Variants in GOLPH3 observed in about 807,000 individuals in gnomAD.
GOLPH3 encodes coat protein GPP34.
Under a neutral mutation model 28.5 loss-of-function variants are expected in GOLPH3, and 14 were observed. The ratio of observed to expected loss-of-function variants is 0.49; its 90% CI spans 0.32 to 0.77. The LOEUF is 0.77. Ranked by LOEUF, GOLPH3 falls within the 30% of genes least tolerant of loss-of-function variation. The pLI is 0.03. For missense variants in GOLPH3, 350 were observed against 393.7 expected (o/e 0.89, Z 0.94); for synonymous variants, 158 against 159.2 (o/e 0.99, Z 0.06).
intron 1 of GOLPH3, among the ~76,000 whole-genome samples, chr5:32,153,237 T>C (rs1256655553): frequency 6.6e-6 from 1 of 152,178 alleles, no homozygotes; most frequent in Non-Finnish European, 1.5e-5. Context: ...GTCCATTACC[T>C]TGTATATGAA....
chr5:32,156,728 A>G (rs1746437748), intron 1 of GOLPH3, among the ~76,000 whole-genome samples: 1 of 152,224 alleles, frequency 6.6e-6, no homozygotes, highest in Non-Finnish European at 1.5e-5. Flanking sequence ...TGCGCAGCTC[A>G]TAACAGGGTT....
intron 1 of GOLPH3, among the ~76,000 whole-genome samples, chr5:32,160,157 C>A (rs940682815): frequency 1.6e-4 from 25 of 152,076 alleles, no homozygotes; most frequent in African/African-American, 5.6e-4. Flanking sequence ...TATGATTATA[C>A]AACTGCACTC....
intron 1 of GOLPH3, among the ~76,000 whole-genome samples, chr5:32,144,554 A>C (rs1456677032): frequency 6.6e-6 from 1 of 152,244 alleles, no homozygotes; most frequent in Non-Finnish European, 1.5e-5. Context: ...ACACCAACAC[A>C]CTGCAGCCTG....
chr5:32,156,293 T>A (rs1332435583), intron 1 of GOLPH3, among the ~76,000 whole-genome samples: 15 of 151,078 alleles, frequency 9.9e-5, no homozygotes, highest in African/African-American at 3.4e-4. Context: ...AGGTCAGGAG[T>A]TTGAGACTAG....
chr5:32,159,756 T>A (rs557667795), intron 1 of GOLPH3, among the ~76,000 whole-genome samples: 1 of 152,356 alleles, frequency 6.6e-6, no homozygotes, highest in East Asian at 1.9e-4. Flanking sequence ...GTTCTACAAT[T>A]ACCTAGTAAA....
chr5:32,140,187 GAAA>G (rs367594027), intron 2 of GOLPH3, among the ~76,000 whole-genome samples: 1 of 144,800 alleles, frequency 6.9e-6, no homozygotes. Context: ...GCTTCTAGAG[GAAA>G]AAAAAAAAAT....
At chr5:32,142,289 G>A (rs930211637) in intron 2 of GOLPH3, among the ~76,000 whole-genome samples, 6 of 150,460 alleles carry the variant, frequency 4.0e-5, no homozygotes, top group South Asian at 2.1e-4. Flanking sequence ...ATCTCTGCCC[G>A]GACGCCCCGT....
chr5:32,152,552 C>T (rs1318089585), intron 1 of GOLPH3, among the ~76,000 whole-genome samples: 15 of 145,866 alleles, frequency 1.0e-4, no homozygotes, highest in African/African-American at 2.5e-4. Flanking sequence ...GGAGGCGAGG[C>T]GGGCGGATCA....
intron 2 of GOLPH3, among the ~76,000 whole-genome samples, chr5:32,139,371 T>C (rs147708320): frequency 2.1e-4 from 32 of 152,354 alleles, no homozygotes; most frequent in African/African-American, 6.0e-4. Context: ...CAGATTTTGA[T>C]ATTTGAGGGG....
Position 32,138,342 on chromosome 5 carries a change from T to TA in GOLPH3, c.358-2657dup, listed in dbSNP as rs548533898. Among the ~76,000 whole-genome samples, 8 of 152,306 alleles carry TA rather than the reference T, an allele frequency of 5.3e-5. No homozygotes were observed. In the South Asian group the frequency reaches 1.7e-3, roughly 32 times the overall value. ...TGTGACATCATGACCAGCAGAAATA[T>TA]AAAAACCACAGTACAAGTCACAAAT... On this transcript the variant is annotated intron_variant, in intron 2 of 3. Coordinates refer to ENST00000265070, the MANE Select transcript of GOLPH3 (RefSeq NM_022130.4).
intron 2 of GOLPH3, among the ~76,000 whole-genome samples, chr5:32,142,202 C>A (rs1014232987): frequency 1.3e-5 from 2 of 151,268 alleles, no homozygotes; most frequent in African/African-American, 2.4e-5. Flanking sequence ...AAGTGAGGAG[C>A]GTCTCTGCCC....
intron 1 of GOLPH3, among the ~76,000 whole-genome samples, chr5:32,167,791 A>AT (rs984039956): frequency 9.3e-5 from 14 of 149,846 alleles, no homozygotes; most frequent in African/African-American, 1.2e-4. Flanking sequence ...ACAAAAAAAA[A>AT]TTTTTTTTTT....
chr5:32,150,854 T>C (rs1746288811), intron 1 of GOLPH3, among the ~76,000 whole-genome samples: 1 of 152,144 alleles, frequency 6.6e-6, no homozygotes, highest in Non-Finnish European at 1.5e-5. Context: ...ACGATAAAAA[T>C]GTCATCACAA....
chr5:32,154,898 C>A (rs575003052), intron 1 of GOLPH3, among the ~76,000 whole-genome samples: 1 of 152,258 alleles, frequency 6.6e-6, no homozygotes, highest in African/African-American at 2.4e-5. Context: ...GCCTGGCCAA[C>A]AGGGTGAAAC....
chr5:32,143,271 TC>T (rs1185375675), intron 2 of GOLPH3, among the ~76,000 whole-genome samples: 50 of 151,552 alleles, frequency 3.3e-4, no homozygotes, highest in African/African-American at 1.1e-3. Flanking sequence ...TTAAGAGTCA[TC>T]ACCACTCCCT....
At chr5:32,131,496 C>CT (rs1188008151) in intron 3 of GOLPH3, among the ~76,000 whole-genome samples, 1 of 152,142 alleles carries the variant, frequency 6.6e-6, no homozygotes, top group African/African-American at 2.4e-5. Flanking sequence ...AAAGTGAATA[C>CT]TTTTTAAATA....
At chr5:32,131,366 A>C (rs943573158) in intron 3 of GOLPH3, among the ~76,000 whole-genome samples, 1 of 152,244 alleles carries the variant, frequency 6.6e-6, no homozygotes, top group Admixed American at 6.5e-5. Context: ...ATAAAGTCAC[A>C]CCTGAGTTTA....
chr5:32,152,682 T>C (rs927253793), intron 1 of GOLPH3, among the ~76,000 whole-genome samples: 20 of 151,066 alleles, frequency 1.3e-4, no homozygotes, highest in African/African-American at 4.1e-4. Context: ...TTAAGGAGGC[T>C]GAGGCAGGAG....
At chr5:32,142,651 G>A (rs1324463291) in intron 2 of GOLPH3, among the ~76,000 whole-genome samples, 2 of 144,034 alleles carry the variant, frequency 1.4e-5, no homozygotes, top group South Asian at 2.2e-4. Flanking sequence ...AGGGAGGTGG[G>A]GGGGTCAGCC....
Sources: gnomAD v4.1 joint callset for allele counts (sites outside exome capture counted in the v4.1 genomes callset) on GRCh38, gnomAD v4.1.1 for gene constraint, MANE v1.5 for transcripts, NCBI Gene and HGNC (gene_info 2026-07-23, HGNC 2026-07-21) for gene names.